Variants in MYT1 observed in about 807,000 individuals in gnomAD.
The protein encoded by MYT1 is myelin transcription factor 1.
MYT1 carries 23 observed loss-of-function variants against 123.0 expected under a neutral mutation model. The observed-to-expected ratio is 0.19, with a 90% CI of 0.13 to 0.26. The LOEUF (loss-of-function observed/expected upper bound fraction) is 0.26. Ranked by LOEUF, MYT1 falls within the 10% of genes least tolerant of loss-of-function variation. The probability of loss-of-function intolerance (pLI) is 1.00; values close to 1 mark genes in which losing one functional copy is unlikely to be tolerated. For missense variants in MYT1, 1,125 were observed against 1,472.5 expected (o/e 0.76, Z 3.86); for synonymous variants, 518 against 575.3 (o/e 0.90, Z 1.43).
Position 64,203,608 on chromosome 20 carries a change from A to AC in MYT1, c.87-1423dup, listed in dbSNP as rs1401713982. On this transcript the variant is annotated intron_variant, in intron 4 of 22. Coordinates refer to ENST00000328439, the MANE Select transcript of MYT1 (RefSeq NM_004535.3). The surrounding 1 kb of genome is among the most constrained non-coding windows in gnomAD (Gnocchi z 5.1). Reference sequence around the variant, plus strand: ...CTGTCTTCTTGTTAACACACTGAAAACCCCACCCTGGAAGGCTGCAGAGAA... The same window carrying AC: ...CTGTCTTCTTGTTAACACACTGAAAACCCCCACCCTGGAAGGCTGCAGAGAA... Among the ~76,000 whole-genome samples, 4 of 149,436 alleles carry AC rather than the reference A, an allele frequency of 2.7e-5. No individual in the cohort carries two copies. Among genetic ancestry groups the AC allele is most frequent in the Non-Finnish European group, 5.9e-5 (4 of 67,416 alleles).
intron 19 of MYT1, among the ~76,000 whole-genome samples, chr20:64,234,922 T>G (rs1984459151): frequency 1.4e-5 from 2 of 143,652 alleles, no homozygotes; most frequent in Non-Finnish European, 3.0e-5. Flanking sequence ...TGGGTGACCC[T>G]TGGCTGGCCA....
rs558816552 is a variant in MYT1, at chr20:64,227,714, C to T, written c.2592-174C>T. On this transcript the variant is annotated intron_variant, in intron 17 of 22. Coordinates refer to ENST00000328439, the MANE Select transcript of MYT1 (RefSeq NM_004535.3). Reference sequence around the variant, plus strand: ...CTTCTCCTTCCCGACCCTGCTGCCTCGTGTGAAGGCTGTGTCTGTGGATTC... The same window carrying T: ...CTTCTCCTTCCCGACCCTGCTGCCTTGTGTGAAGGCTGTGTCTGTGGATTC... Among the ~76,000 whole-genome samples the T allele has an allele frequency of 1.1e-4, 16 of 152,332 alleles. No individual in the cohort carries two copies. In the East Asian group the frequency reaches 2.9e-3, roughly 28 times the overall value.
intron 3 of MYT1, 112 bp downstream of exon 3, chr20:64,199,028 A>G: frequency 9.1e-7 from 1 of 1,101,602 alleles, no homozygotes; most frequent in Non-Finnish European, 1.3e-6. Context: ...TGGGGACCTC[A>G]GGCCTCTTCA....
chr20:64,221,670 G>T (rs1984006699), intron 13 of MYT1, among the ~76,000 whole-genome samples: 1 of 152,196 alleles, frequency 6.6e-6, no homozygotes, highest in African/African-American at 2.4e-5. Flanking sequence ...GGCAACGCAG[G>T]ACCTCTGGCT....
chr20:64,169,683 A>G lies in MYT1; in HGVS notation c.-99+4944A>G, dbSNP rs540844769. Among the ~76,000 whole-genome samples, 5 of 152,248 alleles carry G rather than the reference A, an allele frequency of 3.3e-5. No individual in the cohort carries two copies. In the South Asian group the frequency reaches 1.0e-3, roughly 32 times the overall value. On this transcript the variant is annotated intron_variant, in intron 1 of 22. Transcript: ENST00000328439. The stretch of plus-strand genomic sequence containing the variant: ...ACCAAAGTTTTGTTTAGGGAAAAAC[A>G]GAGATTTGAAATTGGGACGACTTAC...
In MYT1 at chr20:64,190,644, C is replaced by T. The variant is rs568265738; in HGVS notation, c.-1+484C>T. ...GCTGCAGTGAGCTGAGATTGTGCCA[C>T]TGCACTCCAGCCTGGGTGCAGATCT... On this transcript the variant is annotated intron_variant, in intron 2 of 22. Transcript: ENST00000328439. The surrounding 1 kb of genome is among the most constrained non-coding windows in gnomAD (Gnocchi z 4.1). Among the ~76,000 whole-genome samples the T allele has an allele frequency of 3.2e-4, 48 of 151,272 alleles. No homozygotes were observed. The highest frequency in any genetic ancestry group is 1.1e-3 in the African/African-American group (45 of 40,938).
intron 11 of MYT1, among the ~76,000 whole-genome samples, chr20:64,217,976 A>G (rs1208959407): frequency 6.6e-6 from 1 of 152,252 alleles, no homozygotes; most frequent in African/African-American, 2.4e-5. Context: ...AAAAGCATTC[A>G]GTGTACACAT....
intron 19 of MYT1, among the ~76,000 whole-genome samples, chr20:64,234,709 C>G (rs1041727989): frequency 5.5e-5 from 5 of 90,524 alleles, no homozygotes; most frequent in African/African-American, 2.6e-4. Flanking sequence ...GGTGGGTGAC[C>G]CTGAGCTGGC....
intron 4 of MYT1, among the ~76,000 whole-genome samples, chr20:64,204,431 G>A (rs1983418789): frequency 1.3e-5 from 2 of 152,178 alleles, no homozygotes; most frequent in East Asian, 1.9e-4. Context: ...CCTGGTTCAC[G>A]GGCCCTCCCG....
chr20:64,225,381 G>A (rs1166442195), intron 16 of MYT1, among the ~76,000 whole-genome samples: 2 of 152,212 alleles, frequency 1.3e-5, no homozygotes, highest in Non-Finnish European at 2.9e-5. Context: ...GATGATGTGT[G>A]TTCTGTGTTT....
At position 64,223,379 on chromosome 20, in the gene MYT1, C is replaced by T. The variant is rs780253656; in HGVS notation, c.2528+20C>T. 6 of 1,613,346 alleles carry T rather than the reference C, an allele frequency of 3.7e-6. No individual in the cohort carries two copies. Among genetic ancestry groups the T allele is most frequent in the South Asian group, 1.1e-5 (1 of 91,082 alleles). ...CCTCAAGTATGTTTGCGCTCCCTGACCTCCTGTCTCTTGGGCGGCACCCTC... is the reference window on the plus strand; with the variant it reads ...CCTCAAGTATGTTTGCGCTCCCTGATCTCCTGTCTCTTGGGCGGCACCCTC... On this transcript the variant is annotated intron_variant, in intron 16 of 22. Coordinates refer to ENST00000328439, the MANE Select transcript of MYT1 (RefSeq NM_004535.3).
In MYT1 at chr20:64,212,033, C is replaced by G. The variant is rs73626454; in HGVS notation, c.1427-15C>G. 2.5e-6 allele frequency: 4 copies of G among 1,609,754 alleles called. No homozygotes were observed. Among genetic ancestry groups the G allele is most frequent in the East Asian group, 2.2e-5 (1 of 44,848 alleles). On this transcript the variant is annotated splice_polypyrimidine_tract_variant and intron_variant, in intron 8 of 22. Coordinates refer to ENST00000328439, the MANE Select transcript of MYT1 (RefSeq NM_004535.3). The surrounding 1 kb of genome is among the most constrained non-coding windows in gnomAD (Gnocchi z 6.8). The stretch of plus-strand genomic sequence containing the variant: ...CTGACAGCCTCGGCTCCCTCCACCC[C>G]CTGTTCTCTTACAGTCTTAGCCATG...
chr20:64,231,206 G>A lies in MYT1; in HGVS notation c.2676-958G>A, dbSNP rs1160034011. Among the ~76,000 whole-genome samples, 6 of 152,216 alleles carry A rather than the reference G, an allele frequency of 3.9e-5. No individual in the cohort carries two copies. ...GTGTGACAAACGGTAATTTGGATGA[G>A]TTTCATTTATGAAGAGATAAGAATG... On this transcript the variant is annotated intron_variant, in intron 18 of 22. Transcript: ENST00000328439. This position sits in a 1 kb window ranked among gnomAD's most constrained non-coding sequence, Gnocchi z 6.4.
At chr20:64,172,156 A>G (rs1237652653) in intron 1 of MYT1, among the ~76,000 whole-genome samples, 6 of 152,110 alleles carry the variant, frequency 3.9e-5, no homozygotes, top group Non-Finnish European at 8.8e-5. Context: ...AGGCTGGGAA[A>G]TTACCATACA....
rs780876503 is a variant in MYT1 at position 64,219,849 on chromosome 20, G to C, written c.2108G>C (p.Arg703Pro). ...PGVKSPDASQ[R>P]HSSTSAPSSS... ...GTGAAGTCTCCCGACGCCTCCCAGCGCCACAGCAGCACCAGCGCCCCCAGC... is the reference window on the plus strand; with the variant it reads ...GTGAAGTCTCCCGACGCCTCCCAGCCCCACAGCAGCACCAGCGCCCCCAGC... Residue 703 changes from arginine (R) to proline (P), a missense_variant, in exon 13 of 23, where the codon CGC becomes CCC. By Grantham distance (103) the Arg-to-Pro change is moderately radical. Transcript: ENST00000328439. 6.2e-7 allele frequency: 1 copy of C among 1,607,814 alleles called. No individual in the cohort carries two copies. The highest frequency in any genetic ancestry group is 1.7e-5 in the Admixed American group (1 of 58,768).
Position 64,233,186 on chromosome 20 carries a change from T to TA in MYT1, c.2897+801_2897+802insA, listed in dbSNP as rs755992733. On this transcript the variant is annotated intron_variant, in intron 19 of 22. Coordinates refer to ENST00000328439, the MANE Select transcript of MYT1 (RefSeq NM_004535.3). ...CCTTCCCTTTCCCTCCCCTCTCCCC[T>TA]TTCCTCCCCTCTCCCTTCCCCTATC... Among the ~76,000 whole-genome samples, 655 of 92,980 alleles carry TA rather than the reference T, an allele frequency of 7.0e-3. 25 individuals carry two copies. The highest frequency in any genetic ancestry group is 0.07 in the East Asian group (156 of 2,226). The allele number at this position is 92,980 out of a possible 152,430, so 61.0% of individuals were successfully genotyped here.
intron 2 of MYT1, among the ~76,000 whole-genome samples, chr20:64,195,106 G>A (rs957286899): frequency 7.9e-5 from 12 of 151,622 alleles, no homozygotes; most frequent in Admixed American, 2.0e-4. Flanking sequence ...TGCCTGCCTC[G>A]GCCTCCCAAA....
At chr20:64,164,901 C>G (rs1982038030) in intron 1 of MYT1, among the ~76,000 whole-genome samples, 162 bp downstream of exon 1, 1 of 152,052 alleles carries the variant, frequency 6.6e-6, no homozygotes, top group Non-Finnish European at 1.5e-5. Context: ...TGAAACTGCT[C>G]TGGAGGACGG....
In MYT1 at chr20:64,240,599, T is replaced by C. The variant is rs2983433; in HGVS notation, c.*151T>C. On this transcript the variant is annotated 3_prime_UTR_variant, in exon 23 of 23. Coordinates refer to ENST00000328439, the MANE Select transcript of MYT1 (RefSeq NM_004535.3). ...TTTATCCAAAGGGATGGCTGGAAATTGGCCGCTCCCACGAGGCTCCCTCCA... is the reference window on the plus strand; with the variant it reads ...TTTATCCAAAGGGATGGCTGGAAATCGGCCGCTCCCACGAGGCTCCCTCCA... 199,172 of 1,148,626 alleles carry C rather than the reference T, an allele frequency of 0.17. 20,659 individuals carry two copies. The highest frequency in any genetic ancestry group is 0.45 in the African/African-American group (28,686 of 64,246). 71.2% of individuals were successfully genotyped at this position (1,148,626 alleles called of 1,614,324 possible).
Sources: gnomAD v4.1 joint callset for allele counts (sites outside exome capture counted in the v4.1 genomes callset) on GRCh38, gnomAD v4.1.1 for gene constraint, Gnocchi (gnomAD v3.1) non-coding constraint, MANE v1.5 for transcripts, NCBI Gene and HGNC (gene_info 2026-07-23, HGNC 2026-07-21) for gene names.